Variants in ROS1 observed in about 807,000 individuals in gnomAD.
The protein encoded by ROS1 is ROS proto-oncogene 1, receptor tyrosine kinase.
Under a neutral mutation model 273.5 loss-of-function variants are expected in ROS1, and 263 were observed. The observed-to-expected ratio is 0.96, with a 90% CI of 0.87 to 1.06. The LOEUF is 1.06. Ranked by LOEUF, ROS1 falls within the 50% of genes least tolerant of loss-of-function variation. The pLI, the probability that ROS1 is intolerant of heterozygous loss-of-function variation, is 0.00. For missense variants in ROS1, 2,833 were observed against 2,751.1 expected (o/e 1.03, Z -0.67); for synonymous variants, 1,008 against 954.1 (o/e 1.06, Z -1.04).
chr6:117,300,634 T>C (rs534273818), intron 43 of ROS1, among the ~76,000 whole-genome samples: 143 of 151,504 alleles, frequency 9.4e-4, no homozygotes, highest in Middle Eastern at 3.4e-3. Flanking sequence ...AAGCAAAGAG[T>C]CTATAATTAA....
chr6:117,345,439 C>T (rs1031717856), intron 27 of ROS1, among the ~76,000 whole-genome samples: 1 of 152,208 alleles, frequency 6.6e-6, no homozygotes, highest in Non-Finnish European at 1.5e-5. Flanking sequence ...TCTTTTGCTG[C>T]TTTCTTTTCT....
chr6:117,399,275 G>A (rs1045512355), intron 7 of ROS1, among the ~76,000 whole-genome samples: 1 of 152,182 alleles, frequency 6.6e-6, no homozygotes, highest in Non-Finnish European at 1.5e-5. Flanking sequence ...CTGTAGCACC[G>A]GAAAATGTCC....
At chr6:117,393,878 G>A (rs1773275569) in intron 11 of ROS1, among the ~76,000 whole-genome samples, 1 of 152,052 alleles carries the variant, frequency 6.6e-6, no homozygotes. Flanking sequence ...AATAAGACAG[G>A]TACCACCACT....
At position 117,321,525 on chromosome 6, in the gene ROS1, A is replaced by G. The variant is rs868432890; in HGVS notation, c.5624-131T>C. 4.7e-5 allele frequency: 35 copies of G among 738,240 alleles called. No homozygotes were observed. In the African/African-American group the frequency reaches 6.1e-4, roughly 13 times the overall value. The allele number at this position is 738,240 out of a possible 1,614,324, so 45.7% of individuals were successfully genotyped here. On this transcript the variant is annotated intron_variant, in intron 35 of 43. Transcript: ENST00000368507. ...CAGTAGAATAGTTATAGAAGTTTTC[A>G]TAATTTGATTTTAAAATATCTTATA...
intron 16 of ROS1, among the ~76,000 whole-genome samples, chr6:117,383,825 TA>T (rs2128693615): frequency 6.6e-6 from 1 of 152,350 alleles, no homozygotes; most frequent in African/African-American, 2.4e-5. Context: ...GATAGGAATA[TA>T]TTTGATTAGA....
rs746642345 is a variant in ROS1 at position 117,308,861 on chromosome 6, G to A, written c.6484C>T (p.Leu2162Phe). The A allele has an allele frequency of 3.1e-6, 5 of 1,613,210 alleles. No individual in the cohort carries two copies. In the South Asian group the frequency reaches 4.4e-5, roughly 14 times the overall value. ...GTTTGCACATAGTTTAACACATCAA[G>A]GTTGGAATGAGCTGGATAAGGCTGA... Reference protein sequence around the residue: ...GHQPYPAHSNLDVLNYVQTGG... With the variant: ...GHQPYPAHSNFDVLNYVQTGG... Residue 2162 changes from leucine (L) to phenylalanine (F), a missense_variant, in exon 42 of 44, where the codon CTT becomes TTT. Leu to Phe is a conservative substitution (Grantham distance 22). Coordinates refer to ENST00000368507, the MANE Select transcript of ROS1 (RefSeq NM_001378902.1).
In ROS1 at chr6:117,324,339, C is replaced by A. The variant is rs984009442; in HGVS notation, c.5616G>T (p.Leu1872=). 2.0e-6 allele frequency: 3 copies of A among 1,489,788 alleles called. No individual in the cohort carries two copies. The highest frequency in any genetic ancestry group is 2.8e-6 in the Non-Finnish European group (3 of 1,076,178). 92.3% of individuals were successfully genotyped at this position (1,489,788 alleles called of 1,614,324 possible). The change falls in exon 35 of 44, where the codon CTG becomes CTT. Residue 1872 remains leucine, a synonymous_variant. Transcript: ENST00000368507. The stretch of plus-strand genomic sequence containing the variant: ...AAATTCTATTATACTTACCAAAGGT[C>A]AGTGGGATTGTAACAACCAGAAATA... ...VGIFLVVTIP[L]TFVWHRRLKN...
chr6:117,368,975 G>C (rs1214622596), intron 18 of ROS1, among the ~76,000 whole-genome samples: 1 of 151,704 alleles, frequency 6.6e-6, no homozygotes, highest in Non-Finnish European at 1.5e-5. Flanking sequence ...ACGTTTACTT[G>C]TTTTTACTTT....
rs1772893626 is a variant in ROS1 at position 117,389,696 on chromosome 6, A to G, written c.1440T>C (p.Asn480=). ...KPQAKRIIYF[N]DTAQVFMSTF... ...TTGACATGAAGACTTGGGCAGTGTC[A>G]TTGAAGTAAATGATTCGCTTGGCTT... The change falls in exon 13 of 44, where the codon AAT becomes AAC. Residue 480 remains asparagine (N), a synonymous_variant. Coordinates refer to ENST00000368507, the MANE Select transcript of ROS1 (RefSeq NM_001378902.1). 6.2e-7 allele frequency: 1 copy of G among 1,614,194 alleles called. No individual in the cohort carries two copies. Among genetic ancestry groups the G allele is most frequent in the African/African-American group, 1.3e-5 (1 of 75,066 alleles).
At position 117,359,982 on chromosome 6, in the gene ROS1, G is replaced by A. The variant is rs1434469853; in HGVS notation, c.3460C>T (p.Leu1154Phe). Residue 1154 changes from leucine (L) to phenylalanine (F), a missense_variant, in exon 24 of 44, where the codon CTT (leucine) becomes TTT (phenylalanine). Leu to Phe is a conservative substitution (Grantham distance 22, BLOSUM62 0). Transcript: ENST00000368507. ...AAAAAAACTATCTTGTTACCAAGAA[G>A]AGTTATGAGGTGAGGAAATGGGTTG... ...EINPFPHLIT[L>F]LGNKIVFLDM... 1 of 1,613,738 alleles carries A rather than the reference G, an allele frequency of 6.2e-7. No individual in the cohort carries two copies. Among genetic ancestry groups the A allele is most frequent in the African/African-American group, 1.3e-5 (1 of 75,026 alleles).
chr6:117,316,288 CA>C (rs980004395), intron 39 of ROS1, among the ~76,000 whole-genome samples: 45 of 115,228 alleles, frequency 3.9e-4, no homozygotes, highest in African/African-American at 1.1e-3. Context: ...GTAAATACCA[CA>C]AGATACATGC....
At chr6:117,401,564 G>T (rs1773932481) in intron 7 of ROS1, among the ~76,000 whole-genome samples, 1 of 152,108 alleles carries the variant, frequency 6.6e-6, no homozygotes, top group Admixed American at 6.5e-5. Flanking sequence ...TAAGAAGAAG[G>T]ATGCTATTCA....
chr6:117,388,179 C>A, intron 13 of ROS1, 187 bp from the exon 14 acceptor site: 1 of 877,726 alleles, frequency 1.1e-6, no homozygotes, highest in African/African-American at 1.7e-5. Flanking sequence ...ATTCCTCATG[C>A]CGCTCATTTG....
intron 24 of ROS1, among the ~76,000 whole-genome samples, chr6:117,359,586 AAC>A (rs1465779853): frequency 6.6e-6 from 1 of 152,198 alleles, no homozygotes; most frequent in African/African-American, 2.4e-5. Context: ...CCCAGGCTCT[AAC>A]ACAGCATCCT....
chr6:117,408,320 A>G (rs1246726196), intron 5 of ROS1, among the ~76,000 whole-genome samples: 1 of 152,174 alleles, frequency 6.6e-6, no homozygotes, highest in Non-Finnish European at 1.5e-5. Flanking sequence ...CTTATCTGAC[A>G]AAGGGCTAAT....
intron 43 of ROS1, among the ~76,000 whole-genome samples, chr6:117,295,776 A>T (rs1774193191): frequency 6.6e-6 from 1 of 152,272 alleles, no homozygotes; most frequent in African/African-American, 2.4e-5. Flanking sequence ...AATGCAAACC[A>T]AAACTACATT....
In ROS1 at chr6:117,389,452, G is replaced by T. The variant is rs748189554; in HGVS notation, c.1684C>A (p.Gln562Lys). 1.2e-6 allele frequency: 2 copies of T among 1,614,166 alleles called. No homozygotes were observed. Among genetic ancestry groups the T allele is most frequent in the Non-Finnish European group, 1.7e-6 (2 of 1,180,036 alleles). The change falls in exon 13 of 44, where the codon CAG becomes AAG. Residue 562 changes from glutamine to lysine, a missense_variant. By Grantham distance (53) the Gln-to-Lys change is moderately conservative. Transcript: ENST00000368507. ...GGGCGGCCTGGCAGAGGGTGCAGCT[G>T]GGAGGATGAGCCAAAGATGACCAAG... is the stretch of plus-strand genomic sequence containing the variant. Reference protein sequence around the residue: ...GNLVIFGSSSQLHPLPGRPQE... With the variant: ...GNLVIFGSSSKLHPLPGRPQE...
chr6:117,355,997 G>A (rs1779277255), intron 26 of ROS1, among the ~76,000 whole-genome samples: 1 of 152,138 alleles, frequency 6.6e-6, no homozygotes, highest in Non-Finnish European at 1.5e-5. Context: ...AAGAGTATAT[G>A]GGGTATTTAG....
rs373960738 is a variant in ROS1, at chr6:117,394,620, A to G, written c.1002T>C (p.Ile334=). Residue 334 remains isoleucine, a synonymous_variant, in exon 10 of 44, where the codon ATT becomes ATC. Transcript: ENST00000368507. ...ATTTATCCTTATCATACTGACCTGTAATATTATGGTATATAGCATCCAACC... is the reference window on the plus strand; with the variant it reads ...ATTTATCCTTATCATACTGACCTGTGATATTATGGTATATAGCATCCAACC... The part of the protein sequence containing the change: ...CLRLDAIYHN[I]TGISVDVHQQ... 3.1e-6 allele frequency: 5 copies of G among 1,602,350 alleles called. No individual in the cohort carries two copies. The highest frequency in any genetic ancestry group is 8.5e-7 in the Non-Finnish European group (1 of 1,174,012).
Sources: allele counts gnomAD v4.1 joint callset (sites outside exome capture counted in the v4.1 genomes callset), GRCh38; gene constraint gnomAD v4.1.1; transcripts MANE v1.5; gene names NCBI Gene and HGNC (gene_info 2026-07-23, HGNC 2026-07-21).